HYAL4: variants seen among roughly 807,000 people sequenced by gnomAD.
The protein encoded by HYAL4 is hyaluronidase-4.
In HYAL4, 37 loss-of-function variants were observed where a neutral mutation model predicts 35.2. The ratio of observed to expected loss-of-function variants is 1.05; its 90% confidence interval spans 0.81 to 1.38. The LOEUF (loss-of-function observed/expected upper bound fraction) is 1.38. Ranked by LOEUF, HYAL4 falls within the 40% of genes most tolerant of loss-of-function variation. The pLI is 0.00. For missense variants in HYAL4, 572 were observed against 572.4 expected, an observed-to-expected ratio of 1.00 and a Z score of 0.01; for synonymous variants, 198 against 203.2, an observed-to-expected ratio of 0.97 and a Z score of 0.22.
rs1385721421 is a variant in HYAL4 at position 123,845,275 on chromosome 7, C to G, written c.-532C>G. The G allele has an allele frequency of 8.9e-6, 1 of 112,924 alleles. No homozygotes were observed. Among genetic ancestry groups the G allele is most frequent in the African/African-American group, 3.5e-5 (1 of 28,266 alleles). The allele number at this position is 112,924 out of a possible 1,614,324, so 7.0% of individuals were successfully genotyped here. A position where few individuals can be genotyped will look rare whatever the true frequency, so the allele number is the denominator to read the frequency against. ...CCAGGCTAGAGTGTAGTGGTGTGAT[C>G]TCGGCTCACTGCAACCACTGCCTCC... On this transcript the variant is annotated 5_prime_UTR_variant, in exon 1 of 5. It adds an upstream start codon to the 5' untranslated region. Coordinates refer to ENST00000223026, the MANE Select transcript of HYAL4 (RefSeq NM_012269.3).
Position 123,874,803 on chromosome 7 carries a change from G to A in HYAL4, c.997G>A (p.Ala333Thr). 1.2e-6 allele frequency: 2 copies of A among 1,610,360 alleles called. No individual in the cohort carries two copies. The highest frequency in any genetic ancestry group is 1.7e-6 in the Non-Finnish European group (2 of 1,176,542). Reference protein sequence around the residue: ...STIGESAALGAAGIVIWGDMN... With the variant: ...STIGESAALGTAGIVIWGDMN... Reference sequence around the variant, plus strand: ...CATAGGAGAAAGTGCTGCCTTGGGAGCTGCAGGCATTGTTATTTGGGGAGA... The same window carrying A: ...CATAGGAGAAAGTGCTGCCTTGGGAACTGCAGGCATTGTTATTTGGGGAGA... The change falls in exon 4 of 5, where the codon GCT becomes ACT. Residue 333 changes from alanine to threonine, a missense_variant. Physicochemically the swap from Ala to Thr is moderately conservative, Grantham distance 58. Coordinates refer to ENST00000223026, the MANE Select transcript of HYAL4 (RefSeq NM_012269.3).
chr7:123,857,952 T>G (rs1041604820), intron 2 of HYAL4, among the ~76,000 whole-genome samples: 1 of 151,928 alleles, frequency 6.6e-6, no homozygotes, highest in African/African-American at 2.4e-5. Flanking sequence ...ATCCCAGCAC[T>G]TTGGGAGGCT....
chr7:123,877,470 C>A lies in HYAL4; in HGVS notation c.*315C>A. 5.0e-6 allele frequency: 1 copy of A among 199,328 alleles called. No homozygotes were observed. The highest frequency in any genetic ancestry group is 1.0e-5 in the Non-Finnish European group (1 of 97,662). The allele number at this position is 199,328 out of a possible 1,614,324, so 12.3% of individuals were successfully genotyped here. A position where few individuals can be genotyped will look rare whatever the true frequency, so the allele number is the denominator to read the frequency against. On this transcript the variant is annotated 3_prime_UTR_variant, in exon 5 of 5. Transcript: ENST00000223026. ...TTATACATAAAAATATTAAATTATTCATTTCAAAGACTGTTTTTTCAAGTT... is the reference window on the plus strand; with the variant it reads ...TTATACATAAAAATATTAAATTATTAATTTCAAAGACTGTTTTTTCAAGTT...
At chr7:123,819,587 T>C in the HYAL4 span, among the ~76,000 whole-genome samples, 1 of 152,122 alleles carries the variant, frequency 6.6e-6, no homozygotes, top group Non-Finnish European at 1.5e-5. Context: ...GAGCACCTAC[T>C]CCATACCAGC....
the HYAL4 span, among the ~76,000 whole-genome samples, chr7:123,782,661 G>GT: frequency 1.3e-5 from 2 of 152,026 alleles, no homozygotes; most frequent in Non-Finnish European, 2.9e-5. Flanking sequence ...TGGACAGTAA[G>GT]TTTCATGGTT....
chr7:123,851,946 G>T (rs929434700), intron 2 of HYAL4, among the ~76,000 whole-genome samples: 2 of 152,190 alleles, frequency 1.3e-5, no homozygotes, highest in African/African-American at 4.8e-5. Flanking sequence ...ACTGGTGTGA[G>T]ATGGTATCTC....
the HYAL4 span, among the ~76,000 whole-genome samples, chr7:123,768,962 A>G: frequency 6.6e-6 from 1 of 152,216 alleles, no homozygotes; most frequent in East Asian, 1.9e-4. Flanking sequence ...TCAGAGACCC[A>G]TGAGCATTTC....
the HYAL4 span, among the ~76,000 whole-genome samples, chr7:123,799,723 C>CT: frequency 3.3e-5 from 5 of 151,994 alleles, no homozygotes; most frequent in South Asian, 1.0e-3. Flanking sequence ...TTCCATGTTT[C>CT]TTGTTCTTTT....
At chr7:123,813,011 G>A in the HYAL4 span, among the ~76,000 whole-genome samples, 2 of 152,038 alleles carry the variant, frequency 1.3e-5, no homozygotes, top group East Asian at 1.9e-4. Context: ...TAAAAATTCA[G>A]TGTACAGAGA....
At position 123,833,745 on chromosome 7, in the gene HYAL4, T is replaced by C. The variant is rs757106955; in HGVS notation, c.-257+4621T>C. 2.0e-5 allele frequency among the ~76,000 whole-genome samples: 3 copies of C among 152,326 alleles called. No homozygotes were observed. The East Asian group carries it at 5.8e-4, about 29-fold the overall frequency. ...AGATTTAAGTTCTTGATTCTTCATC[T>C]TGAGTTGATTTTTGTATAATGTGAG... is the stretch of plus-strand genomic sequence containing the variant. On this transcript the variant is annotated intron_variant, in intron 1 of 4. Transcript: ENST00000489978.
chr7:123,786,057 T>C, the HYAL4 span, among the ~76,000 whole-genome samples: 3 of 152,120 alleles, frequency 2.0e-5, no homozygotes. Context: ...ATAGCCAAAA[T>C]CCCAAGGTCC....
At chr7:123,810,083 C>A in the HYAL4 span, among the ~76,000 whole-genome samples, 3 of 152,208 alleles carry the variant, frequency 2.0e-5, no homozygotes, top group Non-Finnish European at 4.4e-5. Flanking sequence ...GGAAGAAAAT[C>A]TGCCAGGAGA....
intron 1 of HYAL4, 81 bp downstream of exon 1, chr7:123,845,766 C>T (rs1806161311): frequency 6.6e-6 from 1 of 152,264 alleles, no homozygotes. Flanking sequence ...CTGGTTCCTT[C>T]TCACTTGGGT....
At chr7:123,852,553 G>A (rs1806333120) in intron 2 of HYAL4, among the ~76,000 whole-genome samples, 1 of 152,012 alleles carries the variant, frequency 6.6e-6, no homozygotes, top group African/African-American at 2.4e-5. Flanking sequence ...GGTTGTACAT[G>A]TGGTGTTATT....
At chr7:123,796,572 A>T in the HYAL4 span, among the ~76,000 whole-genome samples, 1 of 152,224 alleles carries the variant, frequency 6.6e-6, no homozygotes, top group Non-Finnish European at 1.5e-5. Context: ...ATGACCTAGT[A>T]GTTCCACTTC....
the HYAL4 span, among the ~76,000 whole-genome samples, chr7:123,765,639 T>G: frequency 1.3e-5 from 2 of 152,306 alleles, no homozygotes; most frequent in Admixed American, 1.3e-4. Flanking sequence ...AAATAACTTT[T>G]AAATATTTAT....
the HYAL4 span, among the ~76,000 whole-genome samples, chr7:123,769,469 CTG>C: frequency 4.6e-5 from 7 of 152,124 alleles, no homozygotes; most frequent in Non-Finnish European, 7.4e-5. Context: ...AGGAAAACCT[CTG>C]GGGTTAGAAT....
chr7:123,816,231 C>G, the HYAL4 span, among the ~76,000 whole-genome samples: 6 of 152,126 alleles, frequency 3.9e-5, no homozygotes, highest in South Asian at 8.3e-4. Flanking sequence ...ACCACTAGTT[C>G]TAATTCTACC....
chr7:123,858,598 A>G (rs1331679547), intron 2 of HYAL4, among the ~76,000 whole-genome samples: 1 of 152,150 alleles, frequency 6.6e-6, no homozygotes, highest in Admixed American at 6.6e-5. Context: ...CCATATTTAT[A>G]AATTAGAATT....
Sources: gnomAD v4.1 joint callset for allele counts (sites outside exome capture counted in the v4.1 genomes callset) on GRCh38, gnomAD v4.1.1 for gene constraint, MANE v1.5 for transcripts, NCBI Gene and HGNC (gene_info 2026-07-23, HGNC 2026-07-21) for gene names.